Variants in PLD1 observed in about 807,000 individuals in gnomAD.
The protein encoded by PLD1 is phospholipase D1, also known as choline phosphatase 1.
A neutral mutation model predicts 137.1 loss-of-function variants in PLD1; 112 were observed. The ratio of observed to expected loss-of-function variants is 0.82; its 90% confidence interval spans 0.70 to 0.96. The LOEUF is 0.96. Ranked by LOEUF, PLD1 falls within the 40% of genes least tolerant of loss-of-function variation. The pLI, the probability that PLD1 is intolerant of heterozygous loss-of-function variation, is 0.00. For missense variants in PLD1, 1,321 were observed against 1,342.0 expected (o/e 0.98, Z 0.24); for synonymous variants, 431 against 454.7 (o/e 0.95, Z 0.66).
Position 171,603,177 on chromosome 3 carries a change from T to C in PLD1, c.3126A>G (p.Gly1042=), listed in dbSNP as rs1731949410. The part of the protein sequence containing the change: ...RAEEELKKIR[G]FLVQFPFYFL... The stretch of plus-strand genomic sequence containing the variant: ...AATAAAAGGGGAATTGCACCAAAAA[T>C]CCACGGATCTTCTTCAGTTCCTCCT... The change falls in exon 27 of 27, where the codon GGA becomes GGG. Residue 1042 remains glycine, a synonymous_variant. Transcript: ENST00000351298. The C allele has an allele frequency of 1.2e-6, 2 of 1,614,094 alleles. No individual in the cohort carries two copies. The highest frequency in any genetic ancestry group is 1.7e-6 in the Non-Finnish European group (2 of 1,179,972).
intron 1 of PLD1, among the ~76,000 whole-genome samples, chr3:171,799,233 G>A (rs1481597639): frequency 6.6e-6 from 1 of 150,676 alleles, no homozygotes; most frequent in Non-Finnish European, 1.5e-5. Flanking sequence ...CAGCTACTCA[G>A]GAGGCTAAGG....
At chr3:171,752,937 C>T (rs1720764557) in intron 1 of PLD1, among the ~76,000 whole-genome samples, 1 of 152,168 alleles carries the variant, frequency 6.6e-6, no homozygotes, top group Non-Finnish European at 1.5e-5. Flanking sequence ...TCATTTGGTC[C>T]AACCTCTTCA....
intron 1 of PLD1, among the ~76,000 whole-genome samples, chr3:171,750,793 A>G (rs1262132960): frequency 6.6e-6 from 1 of 152,216 alleles, no homozygotes; most frequent in East Asian, 1.9e-4. Flanking sequence ...GCTTTTCCTC[A>G]AAGGAAATCT....
intron 6 of PLD1, among the ~76,000 whole-genome samples, chr3:171,729,157 A>T (rs570049257): frequency 3.9e-5 from 6 of 152,250 alleles, no homozygotes; most frequent in Non-Finnish European, 7.3e-5. Context: ...GCCTAACGGC[A>T]TTTCGCAGGG....
chr3:171,643,895 C>T (rs952672727), intron 22 of PLD1, among the ~76,000 whole-genome samples: 3 of 151,928 alleles, frequency 2.0e-5, no homozygotes, highest in Non-Finnish European at 4.4e-5. Flanking sequence ...CCTTGAAATC[C>T]TGGCAGATAA....
intron 24 of PLD1, among the ~76,000 whole-genome samples, chr3:171,618,196 A>G (rs1247591597): frequency 6.6e-6 from 1 of 152,202 alleles, no homozygotes; most frequent in Non-Finnish European, 1.5e-5. Context: ...GTTTCAAGAG[A>G]ATGTGTAAGA....
chr3:171,689,506 CCTTCCTTTCTTT>C (rs1714932699), intron 13 of PLD1, among the ~76,000 whole-genome samples: 1 of 151,748 alleles, frequency 6.6e-6, no homozygotes, highest in African/African-American at 2.4e-5. Context: ...TTCCTTCCTT[CCTTCCTTTCTTT>C]CTTTCTCAGA....
chr3:171,640,167 C>T (rs1016954998), intron 23 of PLD1, among the ~76,000 whole-genome samples: 1 of 151,440 alleles, frequency 6.6e-6, no homozygotes, highest in Non-Finnish European at 1.5e-5. Flanking sequence ...ATTTATTTCC[C>T]CTCCAATCTC....
At chr3:171,793,575 C>T (rs1414767634) in intron 1 of PLD1, 1 of 152,042 alleles carries the variant, frequency 6.6e-6, no homozygotes, top group Non-Finnish European at 1.5e-5. Context: ...GCTACTTTTG[C>T]ACTTTGTAGC....
intron 23 of PLD1, among the ~76,000 whole-genome samples, chr3:171,631,823 T>G (rs1402983153): frequency 6.6e-6 from 1 of 152,014 alleles, no homozygotes; most frequent in Admixed American, 6.6e-5. Flanking sequence ...ACAGTAGAAT[T>G]CCAACTAATT....
At chr3:171,801,112 C>T (rs1422643238) in intron 1 of PLD1, among the ~76,000 whole-genome samples, 2 of 152,232 alleles carry the variant, frequency 1.3e-5, no homozygotes, top group African/African-American at 4.8e-5. Context: ...GATTCTGCTG[C>T]ACAATTCAGT....
chr3:171,653,703 C>T (rs570777151), intron 21 of PLD1: 1 of 152,226 alleles, frequency 6.6e-6, no homozygotes, highest in African/African-American at 2.4e-5. Flanking sequence ...TTTATCCTTG[C>T]TTCAATTTAC....
intron 1 of PLD1, among the ~76,000 whole-genome samples, chr3:171,745,975 C>A (rs926056946): frequency 3.3e-5 from 5 of 152,114 alleles, no homozygotes; most frequent in African/African-American, 1.2e-4. Context: ...GCAAGTCCCG[C>A]ACTCAGAGCG....
chr3:171,692,831 T>G (rs1213490854), intron 12 of PLD1, among the ~76,000 whole-genome samples: 1 of 152,212 alleles, frequency 6.6e-6, no homozygotes, highest in Non-Finnish European at 1.5e-5. Flanking sequence ...TGCACTGTAC[T>G]TTCTAACTTC....
chr3:171,702,797 A>G (rs937915943), intron 11 of PLD1, among the ~76,000 whole-genome samples: 6 of 152,196 alleles, frequency 3.9e-5, no homozygotes, highest in African/African-American at 1.4e-4. Context: ...ATTTTATCAA[A>G]TATTTAAGAA....
intron 21 of PLD1, among the ~76,000 whole-genome samples, chr3:171,658,564 T>G (rs1202557242): frequency 2.6e-5 from 4 of 152,188 alleles, no homozygotes; most frequent in African/African-American, 9.7e-5. Flanking sequence ...GACCCCATAT[T>G]GTGTGACTCC....
intron 1 of PLD1, among the ~76,000 whole-genome samples, chr3:171,761,589 G>A (rs978270219): frequency 1.3e-5 from 2 of 152,168 alleles, no homozygotes; most frequent in Non-Finnish European, 2.9e-5. Context: ...CAACTTGGAT[G>A]GAGAAGCCTG....
intron 21 of PLD1, among the ~76,000 whole-genome samples, chr3:171,658,654 A>G (rs1374697269): frequency 6.6e-6 from 1 of 152,096 alleles, no homozygotes; most frequent in Non-Finnish European, 1.5e-5. Context: ...AATAGAAGGA[A>G]TGGGTAATGA....
rs75464448 is a variant in PLD1, at chr3:171,686,446, C to T, written c.1867+239G>A. On this transcript the variant is annotated intron_variant, in intron 16 of 26. Transcript: ENST00000351298. ...GAACTTCCATGACACTATTGAATTGCATGTGCCATGCATTTTCTCTTATTA... is the reference window on the plus strand; with the variant it reads ...GAACTTCCATGACACTATTGAATTGTATGTGCCATGCATTTTCTCTTATTA... 1.9e-3 allele frequency among the ~76,000 whole-genome samples: 292 copies of T among 152,296 alleles called. 1 individual carries two copies. Among genetic ancestry groups the T allele is most frequent in the African/African-American group, 6.5e-3 (271 of 41,562 alleles).
Sources: allele counts gnomAD v4.1 joint callset (sites outside exome capture counted in the v4.1 genomes callset), GRCh38; gene constraint gnomAD v4.1.1; transcripts MANE v1.5; gene names NCBI Gene and HGNC (gene_info 2026-07-23, HGNC 2026-07-21).